Variants in SZT2 observed in about 807,000 individuals in gnomAD.
SZT2 encodes the protein KICSTOR complex protein SZT2.
A neutral mutation model predicts 404.2 loss-of-function variants in SZT2; 216 were observed. The observed-to-expected ratio is 0.53, with a 90% CI of 0.48 to 0.60. The LOEUF (loss-of-function observed/expected upper bound fraction) is 0.60. Ranked by LOEUF, SZT2 falls within the 20% of genes least tolerant of loss-of-function variation. The pLI is 0.00. For synonymous variants in SZT2, 1,693 were observed against 1,749.9 expected (o/e 0.97, Z 0.81); for missense variants, 3,857 against 4,459.2 (o/e 0.86, Z 3.85).
intron 33 of SZT2, 31 bp downstream of exon 33, chr1:43,431,121 G>A (rs1444088070): frequency 6.2e-7 from 1 of 1,608,700 alleles, no homozygotes; most frequent in African/African-American, 1.3e-5. Context: ...GGGGGTTTGG[G>A]ACCTTTTTAG....
rs1384627067 is a variant in SZT2 at position 43,425,451 on chromosome 1, A to C, written c.2646-23A>C. ...TCCCTGCCATGAGGCTGTGCATTGG[A>C]CTCAGAGCCCTTCCTCCTTTAGCTT... On this transcript the variant is annotated intron_variant, in intron 18 of 71. Coordinates refer to ENST00000634258, the MANE Select transcript of SZT2 (RefSeq NM_001365999.1). This position sits in a 1 kb window ranked among gnomAD's most constrained non-coding sequence, Gnocchi z 4.3. 6.2e-7 allele frequency: 1 copy of C among 1,613,620 alleles called. No individual in the cohort carries two copies. Among genetic ancestry groups the C allele is most frequent in the Admixed American group, 1.7e-5 (1 of 60,006 alleles).
chr1:43,443,734 G>A lies in SZT2; in HGVS notation c.8763G>A (p.Val2921=), dbSNP rs767040919. 2.9e-5 allele frequency: 47 copies of A among 1,614,104 alleles called. No individual in the cohort carries two copies. In the East Asian group the frequency reaches 8.0e-4, roughly 28 times the overall value. ...GCTTGGCTTTCCTGCAGCAATATGT[G>A]CAGTATCTGCAGAGCATAGGTTTTG... is the stretch of plus-strand genomic sequence containing the variant. ...ELSLAFLQQY[V]QYLQSIGFVL... Residue 2921 remains valine (V), a synonymous_variant, in exon 62 of 72, where the codon GTG becomes GTA. Transcript: ENST00000634258.
In SZT2 at chr1:43,454,106, CTGGCTG is replaced by C; in HGVS notation, c.*3627_*3632del. 2 of 1,056,172 alleles carry C rather than the reference CTGGCTG, an allele frequency of 1.9e-6. No homozygotes were observed. Among genetic ancestry groups the C allele is most frequent in the Non-Finnish European group, 2.3e-6 (2 of 868,048 alleles). 65.4% of individuals were successfully genotyped at this position (1,056,172 alleles called of 1,614,324 possible). On this transcript the variant is annotated 3_prime_UTR_variant, in exon 72 of 72. Transcript: ENST00000634258. The stretch of plus-strand genomic sequence containing the variant: ...GAGCCGGACGCGAAGCAAGAGAGAG[CTGGCTG>C]CCCGAGGGCCCGGTTGCAATGATGG...
Position 43,419,920 on chromosome 1 carries a change from G to A in SZT2, c.1066G>A (p.Ala356Thr), listed in dbSNP as rs1193593084. 1 of 1,598,332 alleles carries A rather than the reference G, an allele frequency of 6.3e-7. No individual in the cohort carries two copies. The highest frequency in any genetic ancestry group is 1.7e-4 in the Middle Eastern group (1 of 6,054). Residue 356 changes from alanine (A) to threonine (T), a missense_variant, in exon 8 of 72, where the codon GCA (alanine) becomes ACA (threonine). By Grantham distance (58) the Ala-to-Thr change is moderately conservative. This residue lies in a region of SZT2 where 536 missense variants were observed against 637.4 expected (regional missense o/e 0.84). Transcript: ENST00000634258. ...CTATTCCTTCCTGCGCAGTGGGGAA[G>A]CACTGAACCCTGAATATTACTGCGG... The part of the protein sequence containing the change: ...LLYSFLRSGE[A>T]LNPEYYCGSQ...
At chr1:43,421,396 G>A in intron 11 of SZT2, 93 bp downstream of exon 11, 1 of 1,522,274 alleles carries the variant, frequency 6.6e-7, no homozygotes. Flanking sequence ...ATTCCTTTCT[G>A]TCTCACGTCT....
At position 43,426,052 on chromosome 1, in the gene SZT2, G is replaced by A; in HGVS notation, c.2944G>A (p.Gly982Arg). 6.2e-7 allele frequency: 1 copy of A among 1,614,116 alleles called. No homozygotes were observed. The highest frequency in any genetic ancestry group is 8.5e-7 in the Non-Finnish European group (1 of 1,180,012). The change falls in exon 21 of 72, where the codon GGA becomes AGA. Residue 982 changes from glycine to arginine, a missense_variant. This residue lies in a region of SZT2 where 1,725 missense variants were observed against 1,881.0 expected (regional missense o/e 0.92). Coordinates refer to ENST00000634258, the MANE Select transcript of SZT2 (RefSeq NM_001365999.1). This position sits in a 1 kb window ranked among gnomAD's most constrained non-coding sequence, Gnocchi z 4.9. ...CTCCCTCGTAGGATTGGATCAGGGA[G>A]GAGACACCTGCGTCCATGAGATCCC... is the stretch of plus-strand genomic sequence containing the variant. ...PRVSDGLDQGGDTCVHEIPFH... is the reference protein window; with the variant it reads ...PRVSDGLDQGRDTCVHEIPFH...
At position 43,447,868 on chromosome 1, in the gene SZT2, T is replaced by C. The variant is rs1271549438; in HGVS notation, c.9460T>C (p.Ser3154Pro). Residue 3154 changes from serine (S) to proline (P), a missense_variant, in exon 68 of 72, where the codon TCT becomes CCT. By Grantham distance (74) the Ser-to-Pro change is moderately conservative (BLOSUM62 -1). Around this residue, in one of 7 missense-constraint regions of SZT2, gnomAD observed 717 missense variants for 868.2 expected, o/e 0.83. Coordinates refer to ENST00000634258, the MANE Select transcript of SZT2 (RefSeq NM_001365999.1). ...GCACAGTTCTGGCTCCTACCTGGAC[T>C]CTGAGGGACTTCGACACCAGGATGA... ...AWHSSGSYLD[S>P]EGLRHQDDFD... 16 of 1,614,120 alleles carry C rather than the reference T, an allele frequency of 9.9e-6. No homozygotes were observed. Among genetic ancestry groups the C allele is most frequent in the Non-Finnish European group, 1.4e-5 (16 of 1,180,022 alleles).
At chr1:43,414,386 A>G (rs1651445541) in intron 4 of SZT2, among the ~76,000 whole-genome samples, 1 of 152,194 alleles carries the variant, frequency 6.6e-6, no homozygotes. Flanking sequence ...CATGTGCTCC[A>G]TAAATATATA....
rs759058629 is a variant in SZT2, at chr1:43,450,872, A to C, written c.*392A>C. On this transcript the variant is annotated 3_prime_UTR_variant, in exon 72 of 72. Transcript: ENST00000634258. The surrounding 1 kb of genome is among the most constrained non-coding windows in gnomAD (Gnocchi z 4.3). ...CACTGTCAGCCACCTGTGTCCCTTG[A>C]GCCTTCGGGTCTTCACTTCCCACTT... 4.1e-6 allele frequency: 3 copies of C among 724,030 alleles called. No homozygotes were observed. In the African/African-American group the frequency reaches 5.1e-5, roughly 12 times the overall value. 44.9% of individuals were successfully genotyped at this position (724,030 alleles called of 1,614,324 possible). A position where few individuals can be genotyped will look rare whatever the true frequency, so the allele number is the denominator to read the frequency against.
At chr1:43,449,634 C>T (rs1348644437) in intron 70 of SZT2, 2 of 205,130 alleles carry the variant, frequency 9.7e-6, no homozygotes, top group Non-Finnish European at 2.0e-5. Flanking sequence ...GATTCGAGCT[C>T]AGGAGAGTCC....
At chr1:43,449,314 G>GA (rs1656089242) in intron 70 of SZT2, 1 of 161,666 alleles carries the variant, frequency 6.2e-6, no homozygotes, top group Non-Finnish European at 1.4e-5. Context: ...AGGTTCAAGA[G>GA]AGGAGGCATT....
At position 43,430,693 on chromosome 1, in the gene SZT2, C is replaced by T. The variant is rs373911146; in HGVS notation, c.4678C>T (p.His1560Tyr). The T allele has an allele frequency of 1.2e-5, 20 of 1,613,862 alleles. No individual in the cohort carries two copies. Among genetic ancestry groups the T allele is most frequent in the Admixed American group, 5.0e-5 (3 of 60,012 alleles). The change falls in exon 32 of 72, where the codon CAT (histidine) becomes TAT (tyrosine). Residue 1560 changes from histidine (H) to tyrosine (Y), a missense_variant. Transcript: ENST00000634258. ...DSPTGPESFL[H>Y]DLPPLFLHLT... Reference sequence around the variant, plus strand: ...ACCCACTGGGCCTGAGAGCTTCCTTCATGACCTGCCACCGCTCTTCCTGCA... The same window carrying T: ...ACCCACTGGGCCTGAGAGCTTCCTTTATGACCTGCCACCGCTCTTCCTGCA...
chr1:43,425,990 G>C lies in SZT2; in HGVS notation c.2929+41G>C. On this transcript the variant is annotated intron_variant, in intron 20 of 71. Transcript: ENST00000634258. The surrounding 1 kb of genome is among the most constrained non-coding windows in gnomAD (Gnocchi z 4.3). ...GGCCCACTGGTGGAGCAGGGGAGTG[G>C]GTAGGGTAATCTGCGTCTCACTGTG... is the stretch of plus-strand genomic sequence containing the variant. The C allele has an allele frequency of 6.2e-7, 1 of 1,612,846 alleles. No individual in the cohort carries two copies. The highest frequency in any genetic ancestry group is 8.5e-7 in the Non-Finnish European group (1 of 1,178,888).
At position 43,427,437 on chromosome 1, in the gene SZT2, T is replaced by C. The variant is rs1557559001; in HGVS notation, c.3590T>C (p.Leu1197Pro). 6.2e-7 allele frequency: 1 copy of C among 1,612,410 alleles called. No homozygotes were observed. The highest frequency in any genetic ancestry group is 2.2e-5 in the East Asian group (1 of 44,848). Reference protein sequence around the residue: ...KSHVPVLSVTLASDNAQNQGE... With the variant: ...KSHVPVLSVTPASDNAQNQGE... ...CACGTCCCTGTCCTCAGTGTGACCCTGGCTAGTGGTAAGGCTGCCGACTCA... is the reference window on the plus strand; with the variant it reads ...CACGTCCCTGTCCTCAGTGTGACCCCGGCTAGTGGTAAGGCTGCCGACTCA... The change falls in exon 25 of 72, where the codon CTG becomes CCG. Residue 1197 changes from leucine to proline, a missense_variant. By Grantham distance (98) the Leu-to-Pro change is moderately conservative (BLOSUM62 -3). Coordinates refer to ENST00000634258, the MANE Select transcript of SZT2 (RefSeq NM_001365999.1).
rs2153935365 is a variant in SZT2 at position 43,439,267 on chromosome 1, A to G, written c.6793-91A>G. 1 of 1,535,538 alleles carries G rather than the reference A, an allele frequency of 6.5e-7. No individual in the cohort carries two copies. Among genetic ancestry groups the G allele is most frequent in the Middle Eastern group, 1.7e-4 (1 of 5,830 alleles). On this transcript the variant is annotated intron_variant, in intron 48 of 71. Transcript: ENST00000634258. The surrounding 1 kb of genome is among the most constrained non-coding windows in gnomAD (Gnocchi z 4.2). ...TGTGTCTTCTCATGCTCCCATATCT[A>G]CCTGCACCACATTCCCCACTGTGGG...
chr1:43,440,414 T>C, intron 51 of SZT2, 39 bp from the exon 52 acceptor site: 1 of 1,531,144 alleles, frequency 6.5e-7, no homozygotes, highest in Non-Finnish European at 8.8e-7. Context: ...TGGGGATTGA[T>C]GATCAGTGAT....
At chr1:43,417,853 C>T (rs1299349862) in intron 7 of SZT2, among the ~76,000 whole-genome samples, 1 of 152,030 alleles carries the variant, frequency 6.6e-6, no homozygotes, top group Non-Finnish European at 1.5e-5. Flanking sequence ...TGGGGAACAC[C>T]AGTGTTCAAG....
rs1193870788 is a variant in SZT2, at chr1:43,424,577, G to A, written c.2471+145G>A. 2.1e-6 allele frequency: 2 copies of A among 936,874 alleles called. No individual in the cohort carries two copies. Among genetic ancestry groups the A allele is most frequent in the African/African-American group, 1.6e-5 (1 of 60,954 alleles). The allele number at this position is 936,874 out of a possible 1,614,324, so 58.0% of individuals were successfully genotyped here. A position where few individuals can be genotyped will look rare whatever the true frequency, so the allele number is the denominator to read the frequency against. ...AGCAGCATCTGCTACTGCCCTCCCTGTCTCCTCCCATCACCCGATTTGTTT... is the reference window on the plus strand; with the variant it reads ...AGCAGCATCTGCTACTGCCCTCCCTATCTCCTCCCATCACCCGATTTGTTT... On this transcript the variant is annotated intron_variant, in intron 16 of 71. Coordinates refer to ENST00000634258, the MANE Select transcript of SZT2 (RefSeq NM_001365999.1). This position sits in a 1 kb window ranked among gnomAD's most constrained non-coding sequence, Gnocchi z 4.1.
intron 4 of SZT2, chr1:43,409,689 C>T (rs1458845568): frequency 1.8e-5 from 3 of 167,110 alleles, no homozygotes; most frequent in African/African-American, 7.2e-5. Context: ...AATAAAATAC[C>T]TAGGAATTAA....
Sources: allele counts gnomAD v4.1 joint callset (sites outside exome capture counted in the v4.1 genomes callset), GRCh38; gene constraint gnomAD v4.1.1; regional missense constraint gnomAD v4.1.1; non-coding constraint Gnocchi (gnomAD v3.1); transcripts MANE v1.5; gene names NCBI Gene and HGNC (gene_info 2026-07-23, HGNC 2026-07-21).